Variants in LTK observed in about 807,000 individuals in gnomAD.
LTK encodes the protein leukocyte tyrosine kinase receptor.
A neutral mutation model predicts 101.5 loss-of-function variants in LTK; 117 were observed. That is an observed-to-expected ratio of 1.15 (90% confidence interval 0.99 to 1.34). The LOEUF is 1.34. Ranked by LOEUF, LTK falls within the 40% of genes most tolerant of loss-of-function variation. The pLI, the probability that LTK is intolerant of heterozygous loss-of-function variation, is 0.00. For missense variants in LTK, 1,252 were observed against 1,164.7 expected (o/e 1.07, Z -1.09); for synonymous variants, 563 against 494.2 (o/e 1.14, Z -1.85).
intron 1 of LTK, 39 bp from the exon 2 acceptor site, chr15:41,513,159 G>T: frequency 6.5e-7 from 1 of 1,539,112 alleles, no homozygotes; most frequent in East Asian, 2.4e-5. Context: ...CGTTAAGGCG[G>T]GTGGAAATAG....
In LTK at chr15:41,505,416, G is replaced by A. The variant is rs1316798091; in HGVS notation, c.1812C>T (p.His604=). 3.1e-6 allele frequency: 5 copies of A among 1,613,904 alleles called. No homozygotes were observed. Among genetic ancestry groups the A allele is most frequent in the Non-Finnish European group, 4.2e-6 (5 of 1,179,972 alleles). The stretch of plus-strand genomic sequence containing the variant: ...AGGGTCTCACCAGGTGTGGCCGACT[G>A]TGCCTCAGGAAACTCTTCATGTCCC... ...SGGDMKSFLR[H]SRPHLGQPSP... Residue 604 remains histidine, a synonymous_variant, in exon 14 of 20, where the codon CAC becomes CAT. Coordinates refer to ENST00000263800, the MANE Select transcript of LTK (RefSeq NM_002344.6).
rs1219403531 is a variant in LTK at position 41,511,798 on chromosome 15, C to T, written c.657+19G>A. 4.7e-6 allele frequency: 7 copies of T among 1,487,872 alleles called. No homozygotes were observed. Among genetic ancestry groups the T allele is most frequent in the Non-Finnish European group, 5.3e-6 (6 of 1,129,270 alleles). The allele number at this position is 1,487,872 out of a possible 1,614,324, so 92.2% of individuals were successfully genotyped here. A position where few individuals can be genotyped will look rare whatever the true frequency, so the allele number is the denominator to read the frequency against. ...AGAGGATTGGGACCCCAACGCTGAG[C>T]GCCGAAGGGAGCACGTACCCGGAAA... is the stretch of plus-strand genomic sequence containing the variant. On this transcript the variant is annotated intron_variant, in intron 5 of 19. Transcript: ENST00000263800. This position sits in a 1 kb window ranked among gnomAD's most constrained non-coding sequence, Gnocchi z 5.9.
In LTK at chr15:41,513,656, A is replaced by G. The variant is rs2051569008; in HGVS notation, c.43+11T>C. ...GGCTGGACGGTCCCCTGACCGCCAG[A>G]TAGCACTTACCCGCGGCTCCGAACC... On this transcript the variant is annotated intron_variant, in intron 1 of 19. Coordinates refer to ENST00000263800, the MANE Select transcript of LTK (RefSeq NM_002344.6). 1.2e-6 allele frequency: 2 copies of G among 1,612,944 alleles called. No individual in the cohort carries two copies. The highest frequency in any genetic ancestry group is 4.5e-5 in the East Asian group (2 of 44,848).
intron 7 of LTK, among the ~76,000 whole-genome samples, chr15:41,510,927 C>G (rs1036753778): frequency 6.6e-6 from 1 of 152,202 alleles, no homozygotes; most frequent in East Asian, 1.9e-4. Flanking sequence ...AGGCAGGGAC[C>G]TGCTGTGATG....
At position 41,505,479 on chromosome 15, in the gene LTK, G is replaced by A. The variant is rs1381049537; in HGVS notation, c.1749C>T (p.Ala583=). Residue 583 remains alanine (A), a synonymous_variant, in exon 14 of 20, where the codon GCC becomes GCT. Transcript: ENST00000263800. ...GTTCCAGCAGAATGAGGCGAGGGGTGGCCCTGAGGCTGAGCCCCACACACC... is the reference window on the plus strand; with the variant it reads ...GTTCCAGCAGAATGAGGCGAGGGGTAGCCCTGAGGCTGAGCCCCACACACC... ...IVRCVGLSLR[A]TPRLILLELM... 6.2e-7 allele frequency: 1 copy of A among 1,613,966 alleles called. No homozygotes were observed. The highest frequency in any genetic ancestry group is 1.3e-5 in the African/African-American group (1 of 74,910).
chr15:41,505,657 C>T (rs1290553016), intron 13 of LTK, 56 bp downstream of exon 13: 1 of 1,609,832 alleles, frequency 6.2e-7, no homozygotes, highest in African/African-American at 1.3e-5. Context: ...TGAAGAGAAA[C>T]TGTTCCCGGG....
rs367918796 is a variant in LTK, at chr15:41,505,017, C to T, written c.1973G>A (p.Arg658Gln). ...CCCAAAGTCCCCAATCTTGGCCACTCGGCTGGGTCCAGCGCAGCTCAGCAG... is the reference window on the plus strand; with the variant it reads ...CCCAAAGTCCCCAATCTTGGCCACTTGGCTGGGTCCAGCGCAGCTCAGCAG... ...NCLLSCAGPS[R>Q]VAKIGDFGMA... is the part of the protein sequence containing the mutation. The change falls in exon 16 of 20, where the codon CGA becomes CAA. Residue 658 changes from arginine to glutamine, a missense_variant. Physicochemically the swap from Arg to Gln is conservative, Grantham distance 43. Transcript: ENST00000263800. The T allele has an allele frequency of 1.3e-4, 206 of 1,613,526 alleles. 1 individual carries two copies. In the South Asian group the frequency reaches 1.6e-3, roughly 12 times the overall value.
In LTK at chr15:41,512,163, C is replaced by T. The variant is rs1467139410; in HGVS notation, c.462G>A (p.Glu154=). The stretch of plus-strand genomic sequence containing the variant: ...GCTGCCCCACCAGGATGTACAGCGA[C>T]TCCCCGAGACCGAGGGAGAAGATTG... ...VSAIFSLGLG[E]SLYILVGQQG... Residue 154 remains glutamate (E), a synonymous_variant, in exon 4 of 20, where the codon GAG becomes GAA. Transcript: ENST00000263800. 2 of 1,611,164 alleles carry T rather than the reference C, an allele frequency of 1.2e-6. No individual in the cohort carries two copies. The highest frequency in any genetic ancestry group is 1.1e-5 in the South Asian group (1 of 90,818).
intron 3 of LTK, 102 bp downstream of exon 3, chr15:41,512,605 T>C (rs780742670): frequency 3.2e-5 from 43 of 1,364,392 alleles, no homozygotes; most frequent in Non-Finnish European, 4.1e-5. Flanking sequence ...CCCCGCGGAA[T>C]AGTCCAAGAC....
intron 1 of LTK, among the ~76,000 whole-genome samples, chr15:41,513,328 C>A: frequency 6.6e-6 from 1 of 152,334 alleles, no homozygotes; most frequent in Non-Finnish European, 1.5e-5. Flanking sequence ...TTTCTCTCCT[C>A]GAGCGCCTTT....
chr15:41,504,384 A>G lies in LTK; in HGVS notation c.2304T>C (p.Pro768=), dbSNP rs1280984532. ...QCWQHEPELR[P]SFASILERLQ... is the part of the protein sequence containing the mutation. ...GACGCTCCAAGATGCTGGCAAAGCTAGGGCGGAGCTCAGGCTCGTGCTGCC... is the reference window on the plus strand; with the variant it reads ...GACGCTCCAAGATGCTGGCAAAGCTGGGGCGGAGCTCAGGCTCGTGCTGCC... Residue 768 remains proline, a synonymous_variant, in exon 19 of 20, where the codon CCT becomes CCC. Coordinates refer to ENST00000263800, the MANE Select transcript of LTK (RefSeq NM_002344.6). 1 of 1,614,146 alleles carries G rather than the reference A, an allele frequency of 6.2e-7. No individual in the cohort carries two copies.
At position 41,504,277 on chromosome 15, in the gene LTK, T is replaced by C. The variant is rs202210511; in HGVS notation, c.2347-33A>G. The C allele has an allele frequency of 7.1e-5, 114 of 1,608,582 alleles. No homozygotes were observed. In the East Asian group the frequency reaches 1.3e-3, roughly 19 times the overall value. On this transcript the variant is annotated intron_variant, in intron 19 of 19. Coordinates refer to ENST00000263800, the MANE Select transcript of LTK (RefSeq NM_002344.6). Reference sequence around the variant, plus strand: ...GGAAGAGTCAGGGAGCAGGGGGGCATAGAGTTTTCTGGCCCTCCCTCCTGA... The same window carrying C: ...GGAAGAGTCAGGGAGCAGGGGGGCACAGAGTTTTCTGGCCCTCCCTCCTGA...
Position 41,511,512 on chromosome 15 carries a change from G to A in LTK, c.724C>T (p.Pro242Ser). The change falls in exon 6 of 20, where the codon CCG (proline) becomes TCG (serine). Residue 242 changes from proline (P) to serine (S), a missense_variant. Physicochemically the swap from Pro to Ser is moderately conservative, Grantham distance 74. Transcript: ENST00000263800. The surrounding 1 kb of genome is among the most constrained non-coding windows in gnomAD (Gnocchi z 5.9). ...GCCTGAGTCCGGCCTCGGTCCCGCGGCCTCAGGTAGGCCCGACCGCCGCCT... is the reference window on the plus strand; with the variant it reads ...GCCTGAGTCCGGCCTCGGTCCCGCGACCTCAGGTAGGCCCGACCGCCGCCT... ...AGGGGRAYLR[P>S]RDRGRTQASP... The A allele has an allele frequency of 2.0e-6, 3 of 1,480,604 alleles. No individual in the cohort carries two copies. The highest frequency in any genetic ancestry group is 1.8e-6 in the Non-Finnish European group (2 of 1,125,812). The allele number at this position is 1,480,604 out of a possible 1,614,324, so 91.7% of individuals were successfully genotyped here. A position where few individuals can be genotyped will look rare whatever the true frequency, so the allele number is the denominator to read the frequency against.
At chr15:41,507,342 C>T in intron 10 of LTK, 52 bp from the exon 11 acceptor site, 1 of 1,517,578 alleles carries the variant, frequency 6.6e-7, no homozygotes, top group Non-Finnish European at 8.9e-7. Context: ...TCAACTCTCC[C>T]TCCCCCACCT....
At position 41,505,854 on chromosome 15, in the gene LTK, T is replaced by C; in HGVS notation, c.1632+61A>G. 5.0e-6 allele frequency: 8 copies of C among 1,600,652 alleles called. No homozygotes were observed. In the Admixed American group the frequency reaches 8.4e-5, roughly 17 times the overall value. ...GGGGGTTAACCCTAGCTCTAGTCATTGTCCTTCCCTTCAGGGTGTTCCGCT... is the reference window on the plus strand; with the variant it reads ...GGGGGTTAACCCTAGCTCTAGTCATCGTCCTTCCCTTCAGGGTGTTCCGCT... On this transcript the variant is annotated intron_variant, in intron 12 of 19. Coordinates refer to ENST00000263800, the MANE Select transcript of LTK (RefSeq NM_002344.6).
rs1409346696 is a variant in LTK at position 41,504,618 on chromosome 15, C to T, written c.2143G>A (p.Glu715Lys). The change falls in exon 18 of 20, where the codon GAG becomes AAG. Residue 715 changes from glutamate to lysine, a missense_variant. Glu to Lys is a moderately conservative substitution (Grantham distance 56). Coordinates refer to ENST00000263800, the MANE Select transcript of LTK (RefSeq NM_002344.6). ...DSWSFGVLLW[E>K]IFSLGYMPYP... Reference sequence around the variant, plus strand: ...GGCATGTAGCCCAGTGAGAAGATCTCCCAGAGCAGCACCCCAAAAGACCTG... The same window carrying T: ...GGCATGTAGCCCAGTGAGAAGATCTTCCAGAGCAGCACCCCAAAAGACCTG... 3.1e-6 allele frequency: 5 copies of T among 1,613,314 alleles called. 1 individual carries two copies. In the African/African-American group the frequency reaches 4.0e-5, roughly 13 times the overall value.
chr15:41,503,912 G>T lies in LTK; in HGVS notation c.*84C>A. On this transcript the variant is annotated 3_prime_UTR_variant, in exon 20 of 20. Coordinates refer to ENST00000263800, the MANE Select transcript of LTK (RefSeq NM_002344.6). The stretch of plus-strand genomic sequence containing the variant: ...CAGACTGCAGGGAACAGAGGCCGCT[G>T]GCATAACAGGCCACCCAGGAGCCTG... 6.9e-7 allele frequency: 1 copy of T among 1,451,288 alleles called. No individual in the cohort carries two copies. Among genetic ancestry groups the T allele is most frequent in the Non-Finnish European group, 9.2e-7 (1 of 1,084,906 alleles). The allele number at this position is 1,451,288 out of a possible 1,614,324, so 89.9% of individuals were successfully genotyped here. A position where few individuals can be genotyped will look rare whatever the true frequency, so the allele number is the denominator to read the frequency against.
intron 15 of LTK, 40 bp from the exon 16 acceptor site, chr15:41,505,104 A>T: frequency 6.3e-7 from 1 of 1,587,326 alleles, no homozygotes; most frequent in Non-Finnish European, 8.6e-7. Context: ...AGAATCTAGA[A>T]GTTCTTGCTC....
At chr15:41,505,378 G>A in intron 14 of LTK, 23 bp downstream of exon 14, 3 of 1,613,706 alleles carry the variant, frequency 1.9e-6, no homozygotes, top group African/African-American at 1.3e-5. Context: ...AGGGGCCTGG[G>A]GGGGCTAAGA....
Sources: gnomAD v4.1 joint callset for allele counts (sites outside exome capture counted in the v4.1 genomes callset) on GRCh38, gnomAD v4.1.1 for gene constraint, Gnocchi (gnomAD v3.1) non-coding constraint, MANE v1.5 for transcripts, NCBI Gene and HGNC (gene_info 2026-07-23, HGNC 2026-07-21) for gene names.